Variants in PRRT4 observed in about 807,000 individuals in gnomAD.
PRRT4 encodes the protein proline-rich transmembrane protein 4.
PRRT4 carries 59 observed loss-of-function variants against 55.6 expected under a neutral mutation model. The observed-to-expected ratio is 1.06, with a 90% CI of 0.86 to 1.32. PRRT4 has a LOEUF of 1.32. Among genes scored for constraint, PRRT4 ranks in the 40% most tolerant of loss-of-function variants. The pLI is 0.00. For missense variants in PRRT4, 1,217 were observed against 1,222.0 expected, an observed-to-expected ratio of 1.00 and a Z score of 0.06; for synonymous variants, 606 against 601.8, an observed-to-expected ratio of 1.01 and a Z score of -0.10.
In PRRT4 at chr7:128,357,859, G is replaced by C. The variant is rs118173665; in HGVS notation, c.877+822C>G. 9.2e-3 allele frequency among the ~76,000 whole-genome samples: 1,395 copies of C among 152,236 alleles called. 8 individuals are homozygous for C. Among genetic ancestry groups the C allele is most frequent in the Non-Finnish European group, 0.013 (880 of 68,028 alleles). ...TGCCCTCTGCTGTGTGGTTTGTGTTGTCCCACCACTGCCTGGGGCCAAGGC... is the reference window on the plus strand; with the variant it reads ...TGCCCTCTGCTGTGTGGTTTGTGTTCTCCCACCACTGCCTGGGGCCAAGGC... On this transcript the variant is annotated intron_variant, in intron 4 of 4. Transcript: ENST00000535159.
chr7:128,360,835 T>A (rs969831142), intron 1 of PRRT4, among the ~76,000 whole-genome samples: 10 of 151,778 alleles, frequency 6.6e-5, no homozygotes, highest in African/African-American at 2.4e-4. Context: ...TCCCCAGAAC[T>A]CTCTCCTCTG....
At chr7:128,360,488 A>G (rs866597069) in intron 1 of PRRT4, among the ~76,000 whole-genome samples, 1 of 152,126 alleles carries the variant, frequency 6.6e-6, no homozygotes, top group Non-Finnish European at 1.5e-5. Flanking sequence ...GTCTTGACCT[A>G]TTCCAACCCC....
exon 5 of PRRT4, chr7:128,351,523 C>A: frequency 6.7e-7 from 1 of 1,490,910 alleles, no homozygotes; most frequent in Non-Finnish European, 8.9e-7. Flanking sequence ...TGCCAGCGCG[C>A]ACAGCTGCAG....
At chr7:128,351,444 C>G (rs1448690177) in exon 5 of PRRT4, 1 of 1,524,170 alleles carries the variant, frequency 6.6e-7, no homozygotes, top group Non-Finnish European at 8.8e-7. Flanking sequence ...GGGACGGGGC[C>G]GGGTTGGCCG....
chr7:128,357,894 TGAGAGGTAGGGTCTG>T (rs1358220098), intron 4 of PRRT4, among the ~76,000 whole-genome samples: 2 of 152,186 alleles, frequency 1.3e-5, no homozygotes, highest in Non-Finnish European at 2.9e-5. Flanking sequence ...CTGAGGTTTC[TGAGAGGTAGGGTCTG>T]GAAGTGGATT....
exon 5 of PRRT4, chr7:128,351,806 C>A: frequency 7.1e-7 from 1 of 1,418,256 alleles, no homozygotes. Flanking sequence ...CCGCCGTAGC[C>A]CAGGGCGTGC....
exon 5 of PRRT4, chr7:128,350,912 C>T (rs939699284): frequency 1.9e-6 from 3 of 1,550,718 alleles, no homozygotes; most frequent in Non-Finnish European, 2.6e-6. Context: ...CGGCAGGCGT[C>T]CAGGAACTGC....
At chr7:128,356,782 T>C (rs1041437903) in intron 4 of PRRT4, among the ~76,000 whole-genome samples, 1 of 152,242 alleles carries the variant, frequency 6.6e-6, no homozygotes, top group Non-Finnish European at 1.5e-5. Flanking sequence ...CTAGGAATCA[T>C]GTCTCCACTC....
At position 128,359,385 on chromosome 7, in the gene PRRT4, G is replaced by C. The variant is rs752267107; in HGVS notation, c.607C>G (p.Leu203Val). Reference sequence around the variant, plus strand: ...GCAATCTCTGCCAGGCTGGCCCGCAGGCTGGGCAGCAGGGGCAGCGTTCGA... The same window carrying C: ...GCAATCTCTGCCAGGCTGGCCCGCACGCTGGGCAGCAGGGGCAGCGTTCGA... Residue 203 changes from leucine (L) to valine (V), a missense_variant, in exon 2 of 5, where the codon CTG becomes GTG. Leu to Val is a conservative substitution (Grantham distance 32). Transcript: ENST00000535159. 8 of 1,467,800 alleles carry C rather than the reference G, an allele frequency of 5.5e-6. No homozygotes were observed. In the East Asian group the frequency reaches 2.0e-4, roughly 36 times the overall value. 90.9% of individuals were successfully genotyped at this position (1,467,800 alleles called of 1,614,324 possible).
chr7:128,354,602 CAA>C (rs1797074823), intron 4 of PRRT4, among the ~76,000 whole-genome samples: 1 of 150,946 alleles, frequency 6.6e-6, no homozygotes, highest in Non-Finnish European at 1.5e-5. Context: ...CACACACACA[CAA>C]CAGTTCTTAA....
chr7:128,352,497 T>TGCCCAGTCGGCCTCC (rs2116449506), exon 5 of PRRT4: 1 of 1,541,718 alleles, frequency 6.5e-7, no homozygotes, highest in African/African-American at 1.4e-5. Flanking sequence ...CCCTGGCCTC[T>TGCCCAGTCGGCCTCC]GCCCAGTCGG....
exon 5 of PRRT4, chr7:128,351,968 G>A: frequency 7.7e-7 from 1 of 1,300,840 alleles, no homozygotes; most frequent in Non-Finnish European, 9.7e-7. Flanking sequence ...GACCCTCCCA[G>A]GGGCGCCCCG....
chr7:128,352,037 C>T (rs1796993159), exon 5 of PRRT4: 2 of 1,297,650 alleles, frequency 1.5e-6, no homozygotes, highest in African/African-American at 1.6e-5. Flanking sequence ...GAAAGGAAAG[C>T]GGCGAGAAAG....
chr7:128,351,603 T>C, exon 5 of PRRT4: 1 of 1,505,096 alleles, frequency 6.6e-7, no homozygotes, highest in Non-Finnish European at 8.8e-7. Context: ...TGACCCAGCC[T>C]CCCGGCAGCA....
chr7:128,359,308 G>A lies in PRRT4; in HGVS notation c.652+32C>T. On this transcript the variant is annotated intron_variant, in intron 2 of 4. Coordinates refer to ENST00000535159, the Ensembl canonical transcript of PRRT4. ...TCCTACCTGCCAGGGGTGCCCAGCA[G>A]GGGCTTTCCTTGGGATGGGGTGGTT... 2.0e-6 allele frequency: 3 copies of A among 1,519,648 alleles called. No individual in the cohort carries two copies. In the South Asian group the frequency reaches 3.8e-5, roughly 19 times the overall value. The allele number at this position is 1,519,648 out of a possible 1,614,324, so 94.1% of individuals were successfully genotyped here. A position where few individuals can be genotyped will look rare whatever the true frequency, so the allele number is the denominator to read the frequency against.
Position 128,359,469 on chromosome 7 carries a change from C to G in PRRT4, c.523G>C (p.Glu175Gln), listed in dbSNP as rs768223599. The G allele has an allele frequency of 7.5e-6, 11 of 1,462,744 alleles. No individual in the cohort carries two copies. The highest frequency in any genetic ancestry group is 9.9e-6 in the Non-Finnish European group (11 of 1,107,026). The allele number at this position is 1,462,744 out of a possible 1,614,324, so 90.6% of individuals were successfully genotyped here. Residue 175 changes from glutamate (E) to glutamine (Q), a missense_variant, in exon 2 of 5, where the codon GAG (glutamate) becomes CAG (glutamine). Physicochemically the swap from Glu to Gln is conservative, Grantham distance 29. This residue lies in a region of PRRT4 where 564 missense variants were observed against 592.9 expected (regional missense o/e 0.95). Coordinates refer to ENST00000535159, the Ensembl canonical transcript of PRRT4. The stretch of plus-strand genomic sequence containing the variant: ...GCCATGTCAAACTTCAGCTCCAGCT[C>G]GCTCTGGTGGGGCCTGGGAGCACTG...
chr7:128,357,923 G>C (rs188623709), intron 4 of PRRT4, among the ~76,000 whole-genome samples: 64 of 152,296 alleles, frequency 4.2e-4, no homozygotes, highest in African/African-American at 1.5e-3. Context: ...GTGGATTTGG[G>C]ATGCAGTGGG....
Position 128,358,864 on chromosome 7 carries a change from G to A in PRRT4, c.758-64C>T. 4.1e-6 allele frequency: 6 copies of A among 1,474,478 alleles called. No homozygotes were observed. Among genetic ancestry groups the A allele is most frequent in the Non-Finnish European group, 2.7e-6 (3 of 1,116,214 alleles). 91.3% of individuals were successfully genotyped at this position (1,474,478 alleles called of 1,614,324 possible). On this transcript the variant is annotated intron_variant, in intron 3 of 4. Transcript: ENST00000535159. This position sits in a 1 kb window ranked among gnomAD's most constrained non-coding sequence, Gnocchi z 4.4. The stretch of plus-strand genomic sequence containing the variant: ...CAACCAGCCTTGCCTCTGGGAGTTT[G>A]GAGAAAATTATGTCCTTCCCCAGAG...
chr7:128,360,247 A>T (rs2116502367), intron 1 of PRRT4, among the ~76,000 whole-genome samples, 184 bp from the exon 3 acceptor site: 1 of 152,310 alleles, frequency 6.6e-6, no homozygotes, highest in East Asian at 1.9e-4. Context: ...AGGCCCCAGC[A>T]CAAATCCCTG....
Sources: gnomAD v4.1 joint callset for allele counts (sites outside exome capture counted in the v4.1 genomes callset) on GRCh38, gnomAD v4.1.1 for gene constraint, gnomAD v4.1.1 regional missense constraint, Gnocchi (gnomAD v3.1) non-coding constraint, MANE v1.5 for transcripts, NCBI Gene and HGNC (gene_info 2026-07-23, HGNC 2026-07-21) for gene names.